The following ACSBG2 variants were observed in gnomAD, a reference collection of about 807,000 sequenced individuals.
The protein encoded by ACSBG2 is long-chain-fatty-acid--CoA ligase ACSBG2.
In ACSBG2, 62 loss-of-function variants were observed where a neutral mutation model predicts 74.7. The ratio of observed to expected loss-of-function variants is 0.83; its 90% CI spans 0.68 to 1.03. The LOEUF is 1.03. Ranked by LOEUF, ACSBG2 falls within the 50% of genes least tolerant of loss-of-function variation. ACSBG2 has a pLI of 0.00. For synonymous variants in ACSBG2, 309 were observed against 294.1 expected (o/e 1.05, Z -0.52); for missense variants, 730 against 817.6 (o/e 0.89, Z 1.31).
chr19:6,158,348 C>A (rs1304658475), intron 5 of ACSBG2, among the ~76,000 whole-genome samples: 1 of 151,990 alleles, frequency 6.6e-6, no homozygotes, highest in Non-Finnish European at 1.5e-5. Context: ...TGAGATACTG[C>A]ACCTGGCCTT....
chr19:6,179,316 T>TTA (rs1448564608), intron 8 of ACSBG2, among the ~76,000 whole-genome samples: 2 of 147,924 alleles, frequency 1.4e-5, no homozygotes, highest in Non-Finnish European at 1.5e-5. Context: ...TTTTTTTTTT[T>TTA]AGAGACAAGG....
chr19:6,187,832 T>C lies in ACSBG2; in HGVS notation c.1914T>C (p.Tyr638=), dbSNP rs371396189. Residue 638 remains tyrosine, a synonymous_variant, in exon 13 of 15, where the codon TAT becomes TAC. Coordinates refer to ENST00000588485, the MANE Select transcript of ACSBG2 (RefSeq NM_030924.5). ...WVILEKDFSI[Y]GGELGPMMKL... ...TCTTGGAGAAGGACTTTTCCATCTATGGTGGAGAGCTAGGTGAGTGGCCAT... is the reference window on the plus strand; with the variant it reads ...TCTTGGAGAAGGACTTTTCCATCTACGGTGGAGAGCTAGGTGAGTGGCCAT... The C allele has an allele frequency of 1.5e-5, 24 of 1,614,024 alleles. No homozygotes were observed. Among genetic ancestry groups the C allele is most frequent in the Non-Finnish European group, 1.9e-5 (23 of 1,180,028 alleles).
At chr19:6,156,592 G>A (rs1390450148) in intron 5 of ACSBG2, 41 bp downstream of exon 5, 9 of 1,494,548 alleles carry the variant, frequency 6.0e-6, no homozygotes, top group Non-Finnish European at 8.0e-6. Flanking sequence ...GTCACCCAGG[G>A]GTACCTCAGG....
intron 5 of ACSBG2, among the ~76,000 whole-genome samples, chr19:6,157,150 G>A (rs577974777): frequency 2.9e-4 from 44 of 152,268 alleles, no homozygotes; most frequent in South Asian, 2.7e-3. Context: ...GGGTTTCACC[G>A]TGTTAGCCAG....
intron 7 of ACSBG2, among the ~76,000 whole-genome samples, chr19:6,168,880 A>T (rs2089888563): frequency 6.6e-6 from 1 of 152,036 alleles, no homozygotes; most frequent in Non-Finnish European, 1.5e-5. Flanking sequence ...CCAGGTTTAA[A>T]CAATTCTCCT....
chr19:6,145,639 C>G (rs2089004043), intron 2 of ACSBG2, among the ~76,000 whole-genome samples: 1 of 152,130 alleles, frequency 6.6e-6, no homozygotes, highest in South Asian at 2.1e-4. Context: ...AAACACACAA[C>G]AAACCAACAA....
At chr19:6,181,822 C>CCG (rs1555696907) in intron 8 of ACSBG2, among the ~76,000 whole-genome samples, 2 of 125,852 alleles carry the variant, frequency 1.6e-5, no homozygotes, top group Middle Eastern at 3.8e-3. Flanking sequence ...CGCCCCCCCC[C>CCG]CCAACGAAAT....
chr19:6,162,719 G>A (rs1463325175), intron 6 of ACSBG2, among the ~76,000 whole-genome samples: 1 of 151,958 alleles, frequency 6.6e-6, no homozygotes, highest in South Asian at 2.1e-4. Flanking sequence ...TTGACATTTG[G>A]GGCAGGTAAT....
chr19:6,152,332 G>A (rs568254873), intron 4 of ACSBG2, among the ~76,000 whole-genome samples: 976 of 25,030 alleles, frequency 0.039, 272 homozygotes, highest in African/African-American at 0.088. Context: ...CGCCCAGGCC[G>A]GACTGCGGAC....
chr19:6,154,628 C>T (rs1444815735), intron 4 of ACSBG2, among the ~76,000 whole-genome samples: 1 of 151,632 alleles, frequency 6.6e-6, no homozygotes, highest in Non-Finnish European at 1.5e-5. Context: ...TCTCCTGCCT[C>T]AGCCTCCCAA....
At chr19:6,137,835 A>T (rs2144972089) in intron 1 of ACSBG2, among the ~76,000 whole-genome samples, 1 of 152,056 alleles carries the variant, frequency 6.6e-6, no homozygotes, top group East Asian at 1.9e-4. Context: ...TTTAGTAGAG[A>T]CAGGGTTTCA....
At chr19:6,187,944 T>A in intron 13 of ACSBG2, 99 bp downstream of exon 13, 1 of 1,525,908 alleles carries the variant, frequency 6.6e-7, no homozygotes, top group South Asian at 1.3e-5. Context: ...AGAGGGTCTA[T>A]GAAACCAGCC....
chr19:6,156,170 C>T (rs931224103), intron 4 of ACSBG2, among the ~76,000 whole-genome samples: 2 of 152,000 alleles, frequency 1.3e-5, no homozygotes, highest in African/African-American at 4.8e-5. Context: ...ACTGCTGGGC[C>T]CCTGTTTTTC....
rs527655761 is a variant in ACSBG2, at chr19:6,182,630, C to T, written c.907-121C>T. On this transcript the variant is annotated intron_variant, in intron 8 of 14. Transcript: ENST00000588485. Reference sequence around the variant, plus strand: ...GGGTTGTCTCCTTTTGGTTGGGAGTCCTGCGTAATCTGATCAGTGAAGGAA... The same window carrying T: ...GGGTTGTCTCCTTTTGGTTGGGAGTTCTGCGTAATCTGATCAGTGAAGGAA... 912 of 950,482 alleles carry T rather than the reference C, an allele frequency of 9.6e-4. 1 individual carries two copies. The highest frequency in any genetic ancestry group is 1.3e-3 in the Non-Finnish European group (838 of 644,278). The allele number at this position is 950,482 out of a possible 1,614,324, so 58.9% of individuals were successfully genotyped here.
intron 7 of ACSBG2, among the ~76,000 whole-genome samples, chr19:6,173,438 C>T (rs1019748994): frequency 2.0e-5 from 3 of 152,094 alleles, no homozygotes; most frequent in Non-Finnish European, 4.4e-5. Flanking sequence ...TAATCAGCAC[C>T]GATGGTGTTG....
In ACSBG2 at chr19:6,174,866, T is replaced by A. The variant is rs1043091814; in HGVS notation, c.739-2363T>A. Reference sequence around the variant, plus strand: ...GGTAGCCTTAGATTCTTGCCAGATGTCTACAGCTCAGTGTTTCTCCCGTGT... The same window carrying A: ...GGTAGCCTTAGATTCTTGCCAGATGACTACAGCTCAGTGTTTCTCCCGTGT... On this transcript the variant is annotated intron_variant, in intron 7 of 14. Coordinates refer to ENST00000588485, the MANE Select transcript of ACSBG2 (RefSeq NM_030924.5). The surrounding 1 kb of genome is among the most constrained non-coding windows in gnomAD (Gnocchi z 4.2). Among the ~76,000 whole-genome samples the A allele has an allele frequency of 1.3e-5, 2 of 152,158 alleles. No homozygotes were observed. The highest frequency in any genetic ancestry group is 4.8e-5 in the African/African-American group (2 of 41,428).
At position 6,187,663 on chromosome 19, in the gene ACSBG2, G is replaced by T. The variant is rs905862113; in HGVS notation, c.1745G>T (p.Cys582Phe). ...CTGAACTTCGAGGCCATCAACTTCT[G>T]TCGGGGTCTGGGCAGCCAGGCATCC... ...DKLNFEAINF[C>F]RGLGSQASTV... The change falls in exon 13 of 15, where the codon TGT becomes TTT. Residue 582 changes from cysteine to phenylalanine, a missense_variant. Cys to Phe is a radical substitution (Grantham distance 205). Coordinates refer to ENST00000588485, the MANE Select transcript of ACSBG2 (RefSeq NM_030924.5). 1.2e-6 allele frequency: 2 copies of T among 1,614,152 alleles called. No homozygotes were observed. Among genetic ancestry groups the T allele is most frequent in the South Asian group, 1.1e-5 (1 of 91,074 alleles).
intron 1 of ACSBG2, among the ~76,000 whole-genome samples, chr19:6,137,063 A>G (rs1287550829): frequency 6.6e-6 from 1 of 152,058 alleles, no homozygotes; most frequent in Non-Finnish European, 1.5e-5. Flanking sequence ...AGTTCTTTTC[A>G]TACTCCGGAT....
At chr19:6,169,134 T>G (rs989362179) in intron 7 of ACSBG2, among the ~76,000 whole-genome samples, 2 of 152,200 alleles carry the variant, frequency 1.3e-5, no homozygotes, top group African/African-American at 4.8e-5. Flanking sequence ...ATTCTGTAGG[T>G]TGTCTTTACT....
Sources: allele counts gnomAD v4.1 joint callset (sites outside exome capture counted in the v4.1 genomes callset), GRCh38; gene constraint gnomAD v4.1.1; non-coding constraint Gnocchi (gnomAD v3.1); transcripts MANE v1.5; gene names NCBI Gene and HGNC (gene_info 2026-07-23, HGNC 2026-07-21).